The following MEF2D variants were observed in gnomAD, a reference collection of about 807,000 sequenced individuals.
MEF2D encodes myocyte-specific enhancer factor 2D.
In MEF2D, 10 loss-of-function variants were observed where a neutral mutation model predicts 59.3. That is an observed-to-expected ratio of 0.17 (90% CI 0.10 to 0.29). The LOEUF (loss-of-function observed/expected upper bound fraction) is 0.29, where lower values mean the gene tolerates loss of function less well. Among genes scored for constraint, MEF2D ranks in the 10% least tolerant of loss-of-function variants. The pLI is 1.00. For missense variants in MEF2D, 508 were observed against 699.4 expected (o/e 0.73, Z 3.09); for synonymous variants, 305 against 295.0 (o/e 1.03, Z -0.35).
chr1:156,476,173 G>T (rs1485164610), intron 8 of MEF2D, among the ~76,000 whole-genome samples: 1 of 152,180 alleles, frequency 6.6e-6, no homozygotes, highest in Non-Finnish European at 1.5e-5. Flanking sequence ...GCATCAGGGT[G>T]GGACCTCTGA....
At chr1:156,467,709 G>T (rs1391210262) in intron 11 of MEF2D, 53 bp from the exon 12 acceptor site, 1 of 1,358,234 alleles carries the variant, frequency 7.4e-7, no homozygotes, top group Non-Finnish European at 9.6e-7. Flanking sequence ...CCAGGCTTTG[G>T]GTATGCACCC....
intron 1 of MEF2D, chr1:156,484,318 C>A (rs1229026427): frequency 6.6e-6 from 1 of 152,200 alleles, no homozygotes; most frequent in Non-Finnish European, 1.5e-5. Flanking sequence ...ATATTTCAGG[C>A]TTTGCAGACC....
rs545061790 is a variant in MEF2D at position 156,484,421 on chromosome 1, G to A, written c.-138-991C>T. 3.9e-5 allele frequency among the ~76,000 whole-genome samples: 6 copies of A among 152,332 alleles called. No individual in the cohort carries two copies. In the East Asian group the frequency reaches 1.2e-3, roughly 29 times the overall value. On this transcript the variant is annotated intron_variant, in intron 1 of 11. Transcript: ENST00000348159. ...AACGAATGAGTGTAAGCATGGCTGTGATCCAATACAACTATATTTACAAAA... is the reference window on the plus strand; with the variant it reads ...AACGAATGAGTGTAAGCATGGCTGTAATCCAATACAACTATATTTACAAAA...
At chr1:156,496,536 G>A (rs925188082) in intron 1 of MEF2D, among the ~76,000 whole-genome samples, 1 of 152,112 alleles carries the variant, frequency 6.6e-6, no homozygotes, top group African/African-American at 2.4e-5. Flanking sequence ...GGCTCTGCCT[G>A]CCCATCTGTG....
intron 2 of MEF2D, among the ~76,000 whole-genome samples, chr1:156,482,916 G>T (rs1403574581): frequency 6.6e-6 from 1 of 152,258 alleles, no homozygotes; most frequent in Non-Finnish European, 1.5e-5. Context: ...CTATGAAGAG[G>T]TCAGTGGAGA....
rs762098631 is a variant in MEF2D at position 156,480,768 on chromosome 1, T to A, written c.396+66A>T. On this transcript the variant is annotated intron_variant, in intron 4 of 11. Coordinates refer to ENST00000348159, the MANE Select transcript of MEF2D (RefSeq NM_005920.4). ...GGGCTCTCACATTCCCTGTGCTTCT[T>A]GTGCAGCGCCTGGGGGGAAGGGGCC... The A allele has an allele frequency of 2.5e-6, 4 of 1,599,340 alleles. No individual in the cohort carries two copies. In the African/African-American group the frequency reaches 5.4e-5, roughly 22 times the overall value.
Position 156,467,439 on chromosome 1 carries a change from C to G in MEF2D, c.*206G>C, listed in dbSNP as rs1257459210. On this transcript the variant is annotated 3_prime_UTR_variant, in exon 12 of 12. Transcript: ENST00000348159. ...CAGAAAGAGGGGATGAGAGCATCCC[C>G]CTCTCCAAAGCGAGAATCCAAATTA... 1.3e-5 allele frequency: 3 copies of G among 228,926 alleles called. No homozygotes were observed. Among genetic ancestry groups the G allele is most frequent in the Non-Finnish European group, 2.5e-5 (3 of 118,098 alleles). 14.2% of individuals were successfully genotyped at this position (228,926 alleles called of 1,614,324 possible). A position where few individuals can be genotyped will look rare whatever the true frequency, so the allele number is the denominator to read the frequency against.
At chr1:156,499,556 C>G (rs1673351359) in intron 1 of MEF2D, 1 of 152,126 alleles carries the variant, frequency 6.6e-6, no homozygotes, top group Non-Finnish European at 1.5e-5. Context: ...CCCTAAGACC[C>G]GAACCTGGTA....
chr1:156,476,508 C>T lies in MEF2D; in HGVS notation c.862G>A (p.Asp288Asn), dbSNP rs775784885. ...GCCTCACTTACCAGATCTAAATGGT[C>T]CTCAGTCTGAGAGCAGAAATAAAAC... ...GKGLMHHLTE[D>N]HLDLNNAQRL... The change falls in exon 8 of 12, where the codon GAC (aspartate) becomes AAC (asparagine). Residue 288 changes from aspartate (D) to asparagine (N), a missense_variant. Physicochemically the swap from Asp to Asn is conservative, Grantham distance 23. This residue lies in a region of MEF2D where 481 missense variants were observed against 584.7 expected (regional missense o/e 0.82). Transcript: ENST00000348159. 6.2e-7 allele frequency: 1 copy of T among 1,611,820 alleles called. No homozygotes were observed. The highest frequency in any genetic ancestry group is 1.1e-5 in the South Asian group (1 of 90,346).
chr1:156,477,020 G>A lies in MEF2D; in HGVS notation c.847C>T (p.His283Tyr), dbSNP rs1671659016. 4 of 1,613,728 alleles carry A rather than the reference G, an allele frequency of 2.5e-6. No individual in the cohort carries two copies. The highest frequency in any genetic ancestry group is 2.2e-5 in the South Asian group (2 of 91,064). Residue 283 changes from histidine to tyrosine, a missense_variant, in exon 7 of 12, where the codon CAT becomes TAT. Around this residue, in one of 2 missense-constraint regions of MEF2D, gnomAD observed 481 missense variants for 584.7 expected, o/e 0.82. Coordinates refer to ENST00000348159, the MANE Select transcript of MEF2D (RefSeq NM_005920.4). ...CCCAGACACCCACTTACCAAGTGAT[G>A]CATTAACCCCTTTCCTGCCTGGGAA... is the stretch of plus-strand genomic sequence containing the variant. ...ITSQAGKGLM[H>Y]HLTEDHLDLN...
At chr1:156,481,054 G>T in intron 3 of MEF2D, 83 bp from the exon 4 acceptor site, 2 of 1,580,746 alleles carry the variant, frequency 1.3e-6, no homozygotes, top group South Asian at 2.3e-5. Flanking sequence ...CTCCCTAAGG[G>T]CCCCCTACTC....
At chr1:156,470,773 A>G (rs942009466) in intron 9 of MEF2D, among the ~76,000 whole-genome samples, 1 of 152,220 alleles carries the variant, frequency 6.6e-6, no homozygotes, top group Non-Finnish European at 1.5e-5. Context: ...TAATACACAA[A>G]AAGCATGTAG....
intron 1 of MEF2D, among the ~76,000 whole-genome samples, chr1:156,493,187 A>G (rs1672916904): frequency 6.6e-6 from 1 of 152,210 alleles, no homozygotes; most frequent in South Asian, 2.1e-4. Flanking sequence ...GAGAGGGGAA[A>G]GAGTCCAAGG....
chr1:156,495,055 A>C (rs937533350), intron 1 of MEF2D, among the ~76,000 whole-genome samples: 1 of 152,140 alleles, frequency 6.6e-6, no homozygotes, highest in African/African-American at 2.4e-5. Flanking sequence ...TCACAGGGAC[A>C]GCAGGAGGGG....
chr1:156,496,072 CCT>C (rs1557898686), intron 1 of MEF2D, among the ~76,000 whole-genome samples: 1 of 152,342 alleles, frequency 6.6e-6, no homozygotes, highest in Non-Finnish European at 1.5e-5. Context: ...AATGCATTCC[CCT>C]GTCTCCACAC....
intron 6 of MEF2D, among the ~76,000 whole-genome samples, chr1:156,477,994 T>G (rs1001116575): frequency 5.9e-5 from 9 of 152,250 alleles, no homozygotes; most frequent in Non-Finnish European, 1.2e-4. Context: ...GACAGGACAT[T>G]AGCCCTGTTC....
intron 1 of MEF2D, among the ~76,000 whole-genome samples, chr1:156,500,069 G>A (rs950053343): frequency 6.6e-6 from 1 of 152,126 alleles, no homozygotes; most frequent in Non-Finnish European, 1.5e-5. Flanking sequence ...GCGAGAGGAG[G>A]GAGAGGGAGG....
rs1291846478 is a variant in MEF2D, at chr1:156,465,261, C to T, written c.*2384G>A. ...CTTGAGTTTTGCTCTGAAAGCAGGT[C>T]TGGGGTTGGGGGAAGAGGGTACTCC... On this transcript the variant is annotated 3_prime_UTR_variant, in exon 12 of 12. Coordinates refer to ENST00000348159, the MANE Select transcript of MEF2D (RefSeq NM_005920.4). 1.3e-5 allele frequency: 2 copies of T among 152,442 alleles called. No homozygotes were observed. The highest frequency in any genetic ancestry group is 2.9e-5 in the Non-Finnish European group (2 of 68,258). 9.4% of individuals were successfully genotyped at this position (152,442 alleles called of 1,614,324 possible). A position where few individuals can be genotyped will look rare whatever the true frequency, so the allele number is the denominator to read the frequency against.
intron 1 of MEF2D, among the ~76,000 whole-genome samples, chr1:156,490,072 T>G (rs560465215): frequency 6.6e-6 from 1 of 152,290 alleles, no homozygotes; most frequent in Admixed American, 6.5e-5. Context: ...GTTCACACAG[T>G]GAGCTCTTCC....
Sources: gnomAD v4.1 joint callset for allele counts (sites outside exome capture counted in the v4.1 genomes callset) on GRCh38, gnomAD v4.1.1 for gene constraint, gnomAD v4.1.1 regional missense constraint, MANE v1.5 for transcripts, NCBI Gene and HGNC (gene_info 2026-07-23, HGNC 2026-07-21) for gene names.